Variants in SLC19A3 observed in about 807,000 individuals in gnomAD.
SLC19A3 encodes the protein thiamine transporter 2.
Under a neutral mutation model 40.2 loss-of-function variants are expected in SLC19A3, and 31 were observed. The observed-to-expected ratio is 0.77, with a 90% CI of 0.58 to 1.04. SLC19A3 has a LOEUF of 1.04. Ranked by LOEUF, SLC19A3 falls within the 50% of genes least tolerant of loss-of-function variation. SLC19A3 has a pLI of 0.00. For synonymous variants in SLC19A3, 212 were observed against 227.5 expected (o/e 0.93, Z 0.61); for missense variants, 592 against 596.7 (o/e 0.99, Z 0.08).
intron 3 of SLC19A3, among the ~76,000 whole-genome samples, chr2:227,698,321 C>A (rs974379295): frequency 2.6e-5 from 4 of 151,580 alleles, no homozygotes; most frequent in African/African-American, 2.4e-5. Flanking sequence ...CCACCATGAC[C>A]GGCTAATTTC....
chr2:227,687,418 G>A lies in SLC19A3; in HGVS notation c.1470C>T (p.Ile490=). 6.2e-7 allele frequency: 1 copy of A among 1,611,624 alleles called. No individual in the cohort carries two copies. The highest frequency in any genetic ancestry group is 8.5e-7 in the Non-Finnish European group (1 of 1,178,352). Residue 490 remains isoleucine, a synonymous_variant, in exon 6 of 6, where the codon ATC becomes ATT. Coordinates refer to ENST00000644224, the MANE Select transcript of SLC19A3 (RefSeq NM_025243.4). The part of the protein sequence containing the change: ...DVSHPEEESN[I]IMSTKL ...GAGGTTAGAGTTTTGTTGACATGAT[G>A]ATATTACTCTCTTCCTCTGGGTGAG...
Position 227,696,014 on chromosome 2 carries a change from C to T in SLC19A3, c.1047G>A (p.Leu349=), listed in dbSNP as rs748982972. The change falls in exon 4 of 6, where the codon CTG becomes CTA. Residue 349 remains leucine (L), a synonymous_variant. Coordinates refer to ENST00000644224, the MANE Select transcript of SLC19A3 (RefSeq NM_025243.4). ...CGGCATTGACAACTGAGAAGACCAC[C>T]AGAGCCAGCTCTCCCAGAAGGTCCC... ...VNWDLLGELA[L]VVFSVVNAGS... The T allele has an allele frequency of 6.2e-7, 1 of 1,614,148 alleles. No individual in the cohort carries two copies. The highest frequency in any genetic ancestry group is 8.5e-7 in the Non-Finnish European group (1 of 1,180,038).
At chr2:227,691,254 T>C (rs894653418) in intron 4 of SLC19A3, among the ~76,000 whole-genome samples, 5 of 152,044 alleles carry the variant, frequency 3.3e-5, no homozygotes, top group South Asian at 2.1e-4. Context: ...CCAAAACCTA[T>C]AGGACACAGT....
intron 1 of SLC19A3, chr2:227,706,175 T>G: frequency 2.0e-6 from 1 of 505,522 alleles, no homozygotes; most frequent in Non-Finnish European, 3.1e-6. Flanking sequence ...GAATAGACTG[T>G]TCTTTTGTCT....
chr2:227,689,110 C>T (rs562277644), intron 4 of SLC19A3, among the ~76,000 whole-genome samples: 200 of 151,870 alleles, frequency 1.3e-3, no homozygotes, highest in Non-Finnish European at 2.5e-3. Context: ...ATGAGGCACA[C>T]CTACAATACC....
At chr2:227,702,013 G>T in intron 2 of SLC19A3, 156 bp downstream of exon 2, 1 of 664,372 alleles carries the variant, frequency 1.5e-6, no homozygotes, top group Non-Finnish European at 2.6e-6. Flanking sequence ...AGAGGAAATA[G>T]TTTGAAAAGT....
intron 1 of SLC19A3, among the ~76,000 whole-genome samples, chr2:227,711,911 G>T (rs1054675299): frequency 6.6e-6 from 1 of 151,920 alleles, no homozygotes; most frequent in African/African-American, 2.4e-5. Context: ...TTACCCAGGC[G>T]TGGTGGCACA....
chr2:227,698,873 C>G lies in SLC19A3; in HGVS notation c.842G>C (p.Trp281Ser). 1 of 1,614,120 alleles carries G rather than the reference C, an allele frequency of 6.2e-7. No individual in the cohort carries two copies. The highest frequency in any genetic ancestry group is 8.5e-7 in the Non-Finnish European group (1 of 1,180,008). Residue 281 changes from tryptophan to serine, a missense_variant, in exon 3 of 6, where the codon TGG becomes TCG. By Grantham distance (177) the Trp-to-Ser change is radical. Transcript: ENST00000644224. ...ECYSSKRLFY[W>S]SLWWAFATAG... is the part of the protein sequence containing the mutation. ...TGTGGCGAAAGCCCACCATAGAGAC[C>G]AGTAGAAAAGACGTTTTGAGGAGTA...
chr2:227,703,751 G>A lies in SLC19A3; in HGVS notation c.-2-1431C>T, dbSNP rs1695809278. ...AGGCTTGGTCATCTTCTGAAGAGTG[G>A]TCTTGCTGGGGTAGCATCTGCTGGC... is the stretch of plus-strand genomic sequence containing the variant. On this transcript the variant is annotated intron_variant, in intron 1 of 5. Coordinates refer to ENST00000644224, the MANE Select transcript of SLC19A3 (RefSeq NM_025243.4). The surrounding 1 kb of genome is among the most constrained non-coding windows in gnomAD (Gnocchi z 4.7). Among the ~76,000 whole-genome samples the A allele has an allele frequency of 6.6e-6, 1 of 152,086 alleles. No individual in the cohort carries two copies. The highest frequency in any genetic ancestry group is 1.5e-5 in the Non-Finnish European group (1 of 68,024).
chr2:227,702,107 C>A, intron 2 of SLC19A3, 62 bp downstream of exon 2: 1 of 1,357,774 alleles, frequency 7.4e-7, no homozygotes. Context: ...AGCCCTGTAT[C>A]CTTGTTCAAG....
Position 227,718,022 on chromosome 2 carries a change from C to A in SLC19A3, c.-82G>T, listed in dbSNP as rs1295989071. The A allele has an allele frequency of 5.1e-6, 5 of 985,054 alleles. No individual in the cohort carries two copies. The highest frequency in any genetic ancestry group is 6.2e-5 in the Admixed American group (1 of 16,260). The allele number at this position is 985,054 out of a possible 1,614,324, so 61.0% of individuals were successfully genotyped here. On this transcript the variant is annotated 5_prime_UTR_variant, in exon 1 of 6. Coordinates refer to ENST00000644224, the MANE Select transcript of SLC19A3 (RefSeq NM_025243.4). ...CCCGCGGCTGTCGGATGGATCCAGG[C>A]GCTCTTGGTGGGAAGGGGGCGGAGC...
chr2:227,717,248 C>T (rs985969592), intron 1 of SLC19A3, among the ~76,000 whole-genome samples: 2 of 152,102 alleles, frequency 1.3e-5, no homozygotes, highest in African/African-American at 2.4e-5. Flanking sequence ...GCAATCCGCC[C>T]CGCTCAGCCT....
At position 227,687,385 on chromosome 2, in the gene SLC19A3, G is replaced by C. The variant is rs1207458881; in HGVS notation, c.*12C>G. On this transcript the variant is annotated 3_prime_UTR_variant, in exon 6 of 6. Transcript: ENST00000644224. Reference sequence around the variant, plus strand: ...AACTTTGAAAGCCACTGTTGCGTTTGTTGCGATGAGGTTAGAGTTTTGTTG... The same window carrying C: ...AACTTTGAAAGCCACTGTTGCGTTTCTTGCGATGAGGTTAGAGTTTTGTTG... The C allele has an allele frequency of 8.8e-6, 14 of 1,593,682 alleles. No homozygotes were observed. Among genetic ancestry groups the C allele is most frequent in the Non-Finnish European group, 1.2e-5 (14 of 1,167,474 alleles).
At chr2:227,714,702 C>T (rs71431071) in intron 1 of SLC19A3, 60,044 of 245,084 alleles carry the variant, frequency 0.24, 7,614 homozygotes, top group South Asian at 0.44. Context: ...GAAATCCCAT[C>T]CAAAAAAAAA....
intron 4 of SLC19A3, 21 bp from the exon 5 acceptor site, chr2:227,688,328 G>A (rs921064903): frequency 3.1e-6 from 5 of 1,609,900 alleles, no homozygotes; most frequent in Admixed American, 1.7e-5. Context: ...ACATAAATAA[G>A]CATTTTAACT....
chr2:227,706,502 G>C, intron 1 of SLC19A3: 2 of 1,213,696 alleles, frequency 1.6e-6, no homozygotes, highest in Non-Finnish European at 2.0e-6. Context: ...TGGGTGTAGT[G>C]GCTCATGCTT....
chr2:227,714,458 T>C, intron 1 of SLC19A3: 1 of 985,464 alleles, frequency 1.0e-6, no homozygotes, highest in Non-Finnish European at 1.2e-6. Context: ...CCTGTTTTTT[T>C]CTGTGCCCCC....
intron 1 of SLC19A3, among the ~76,000 whole-genome samples, chr2:227,711,881 C>T (rs1239275848): frequency 1.3e-5 from 2 of 151,768 alleles, no homozygotes; most frequent in Non-Finnish European, 2.9e-5. Flanking sequence ...GAAACCCCGT[C>T]TCTACTAAAA....
rs975129916 is a variant in SLC19A3, at chr2:227,687,390, G to A, written c.*7C>T. ...TGAAAGCCACTGTTGCGTTTGTTGC[G>A]ATGAGGTTAGAGTTTTGTTGACATG... On this transcript the variant is annotated 3_prime_UTR_variant, in exon 6 of 6. Coordinates refer to ENST00000644224, the MANE Select transcript of SLC19A3 (RefSeq NM_025243.4). The A allele has an allele frequency of 4.4e-6, 7 of 1,594,418 alleles. No individual in the cohort carries two copies. The highest frequency in any genetic ancestry group is 1.7e-4 in the Middle Eastern group (1 of 5,988).
Sources: gnomAD v4.1 joint callset for allele counts (sites outside exome capture counted in the v4.1 genomes callset) on GRCh38, gnomAD v4.1.1 for gene constraint, Gnocchi (gnomAD v3.1) non-coding constraint, MANE v1.5 for transcripts, NCBI Gene and HGNC (gene_info 2026-07-23, HGNC 2026-07-21) for gene names.